Variants in SSUH2 observed in about 807,000 individuals in gnomAD.
The protein encoded by SSUH2 is ssu-2 homolog.
Under a neutral mutation model 55.3 loss-of-function variants are expected in SSUH2, and 47 were observed. That is an observed-to-expected ratio of 0.85 (90% CI 0.67 to 1.08). The LOEUF is 1.08. Ranked by LOEUF, SSUH2 falls within the 50% of genes least tolerant of loss-of-function variation. The pLI, the probability that SSUH2 is intolerant of heterozygous loss-of-function variation, is 0.00. For synonymous variants in SSUH2, 212 were observed against 191.5 expected (o/e 1.11, Z -0.89); for missense variants, 535 against 490.7 (o/e 1.09, Z -0.85).
chr3:8,639,760 G>A (rs910126707), intron 1 of SSUH2, among the ~76,000 whole-genome samples: 25 of 152,132 alleles, frequency 1.6e-4, no homozygotes, highest in African/African-American at 5.1e-4. Context: ...GCACTGAAGC[G>A]TGCTCAAAGG....
chr3:8,657,277 A>G (rs183330561), intron 7 of SSUH2, among the ~76,000 whole-genome samples: 2 of 143,890 alleles, frequency 1.4e-5, no homozygotes, highest in East Asian at 4.4e-4. Flanking sequence ...CATAACTGAC[A>G]CTGCACTTGA....
intron 6 of SSUH2, 25 bp downstream of exon 6, chr3:8,630,780 C>A (rs201933530): frequency 1.5e-6 from 2 of 1,355,562 alleles, no homozygotes; most frequent in South Asian, 2.3e-5. Flanking sequence ...GGCAAGTATT[C>A]CAGTAATCGC....
chr3:8,646,056 TGTG>T (rs1203298649), upstream of SSUH2, among the ~76,000 whole-genome samples: 11 of 152,292 alleles, frequency 7.2e-5, no homozygotes, highest in Non-Finnish European at 2.9e-5. Context: ...GAGGAACAAA[TGTG>T]GTCTTTTGAT....
chr3:8,642,834 C>T (rs1701079247), intron 1 of SSUH2, among the ~76,000 whole-genome samples: 1 of 152,002 alleles, frequency 6.6e-6, no homozygotes, highest in Non-Finnish European at 1.5e-5. Flanking sequence ...CTTTCTGACA[C>T]TTGGGGAAAA....
intron 6 of SSUH2, among the ~76,000 whole-genome samples, 160 bp from the exon 7 acceptor site, chr3:8,629,886 G>A (rs769888717): frequency 1.1e-4 from 16 of 152,200 alleles, no homozygotes; most frequent in South Asian, 4.1e-4. Flanking sequence ...GATTCCAGAA[G>A]GCTTGACTGC....
chr3:8,631,966 T>C, intron 5 of SSUH2, 83 bp downstream of exon 5: 2 of 1,098,422 alleles, frequency 1.8e-6, no homozygotes, highest in South Asian at 2.5e-5. Context: ...TTGAGATGAG[T>C]GCCTGAGCCA....
upstream of SSUH2, among the ~76,000 whole-genome samples, chr3:8,647,022 T>A (rs1701763384): frequency 6.6e-6 from 1 of 152,202 alleles, no homozygotes; most frequent in South Asian, 2.1e-4. Flanking sequence ...AGAACCTTGT[T>A]TTTTCCTGGA....
At chr3:8,680,919 G>A (rs968169102) in intron 1 of SSUH2, among the ~76,000 whole-genome samples, 1 of 152,004 alleles carries the variant, frequency 6.6e-6, no homozygotes, top group African/African-American at 2.4e-5. Flanking sequence ...CAATTTGACA[G>A]GCTGGGTGAA....
upstream of SSUH2, among the ~76,000 whole-genome samples, chr3:8,646,704 T>C (rs1701720390): frequency 6.6e-6 from 1 of 152,232 alleles, no homozygotes; most frequent in South Asian, 2.1e-4. Context: ...AATGTACCCA[T>C]CAACACCTAA....
intron 6 of SSUH2, chr3:8,659,535 G>A (rs1703268256): frequency 9.9e-6 from 3 of 303,834 alleles, no homozygotes; most frequent in South Asian, 9.1e-5. Flanking sequence ...CCTCAGCAGA[G>A]GGGGCCTTTC....
chr3:8,627,701 C>A lies in SSUH2; in HGVS notation c.671G>T (p.Arg224Leu). 1 of 1,583,514 alleles carries A rather than the reference C, an allele frequency of 6.3e-7. No individual in the cohort carries two copies. The highest frequency in any genetic ancestry group is 8.6e-7 in the Non-Finnish European group (1 of 1,164,270). The change falls in exon 8 of 12, where the codon CGA (arginine) becomes CTA (leucine). Residue 224 changes from arginine (R) to leucine (L), a missense_variant. Transcript: ENST00000544814. Reference sequence around the variant, plus strand: ...GGTGCTGGGGAGATGCCCCTACCTTCGCCTGCCGGACCCCGCGCACAGCTG... The same window carrying A: ...GGTGCTGGGGAGATGCCCCTACCTTAGCCTGCCGGACCCCGCGCACAGCTG... ...RCQLCAGSGR[R>L]RCSTCSGRGN...
chr3:8,666,812 G>C lies in SSUH2; in HGVS notation c.-454-3010C>G, dbSNP rs114348644. On this transcript the variant is annotated intron_variant, in intron 5 of 18. Transcript: ENST00000317371. ...GCAAGTCCAGGACTCTGGAACTCCT[G>C]ACCAACCTGCTTCAAGTTGGCCTCC... is the stretch of plus-strand genomic sequence containing the variant. Among the ~76,000 whole-genome samples, 4 of 152,302 alleles carry C rather than the reference G, an allele frequency of 2.6e-5. No individual in the cohort carries two copies. The East Asian group carries it at 7.7e-4, about 29-fold the overall frequency.
At chr3:8,680,033 A>C (rs561951902) in intron 1 of SSUH2, among the ~76,000 whole-genome samples, 28 of 152,172 alleles carry the variant, frequency 1.8e-4, no homozygotes, top group African/African-American at 2.9e-4. Context: ...AAAAACTTCC[A>C]GCAGCCCCAG....
chr3:8,665,938 G>A (rs575647691), intron 5 of SSUH2, among the ~76,000 whole-genome samples: 2 of 151,932 alleles, frequency 1.3e-5, no homozygotes, highest in Non-Finnish European at 2.9e-5. Flanking sequence ...GAGAAATGAT[G>A]TTCACTACAT....
chr3:8,667,283 A>G (rs1031615507), intron 5 of SSUH2, among the ~76,000 whole-genome samples: 3 of 152,192 alleles, frequency 2.0e-5, no homozygotes, highest in Non-Finnish European at 4.4e-5. Context: ...CCATATAGGT[A>G]ACTTCTGGAC....
At position 8,625,434 on chromosome 3, in the gene SSUH2, C is replaced by T. The variant is rs1697325459; in HGVS notation, c.873+108G>A. 4.4e-6 allele frequency: 3 copies of T among 683,948 alleles called. No homozygotes were observed. The East Asian group carries it at 8.2e-5, about 19-fold the overall frequency. The allele number at this position is 683,948 out of a possible 1,614,324, so 42.4% of individuals were successfully genotyped here. Reference sequence around the variant, plus strand: ...TCTGGGGAGCTCTGCTCCTACACAACCTGTCCTTCCAAGGAATGCAGCCTG... The same window carrying T: ...TCTGGGGAGCTCTGCTCCTACACAATCTGTCCTTCCAAGGAATGCAGCCTG... On this transcript the variant is annotated intron_variant, in intron 10 of 11. Coordinates refer to ENST00000544814, the MANE Select transcript of SSUH2 (RefSeq NM_001256748.3).
At position 8,625,661 on chromosome 3, in the gene SSUH2, G is replaced by C. The variant is rs749724619; in HGVS notation, c.768-14C>G. 3.2e-6 allele frequency: 5 copies of C among 1,558,476 alleles called. No homozygotes were observed. In the Admixed American group the frequency reaches 6.7e-5, roughly 21 times the overall value. ...AAGCTGTTCTTCCTGGAGGGAAGGA[G>C]GATGAGGGATGAAAGCACACAGTGT... On this transcript the variant is annotated splice_polypyrimidine_tract_variant and intron_variant, in intron 9 of 11. Coordinates refer to ENST00000544814, the MANE Select transcript of SSUH2 (RefSeq NM_001256748.3).
chr3:8,640,474 A>G (rs1012934640), intron 1 of SSUH2, among the ~76,000 whole-genome samples: 7 of 152,190 alleles, frequency 4.6e-5, no homozygotes, highest in African/African-American at 1.4e-4. Context: ...AGGTCCCTAC[A>G]TTAGATGCCC....
chr3:8,663,346 G>C lies in SSUH2; in HGVS notation c.-396+398C>G, dbSNP rs533880476. Among the ~76,000 whole-genome samples, 3 of 152,360 alleles carry C rather than the reference G, an allele frequency of 2.0e-5. No homozygotes were observed. The East Asian group carries it at 5.8e-4, about 29-fold the overall frequency. The stretch of plus-strand genomic sequence containing the variant: ...CCTTGGAATTCACCTACCCCCTCCT[G>C]TCTGACATACAGAGAACAGCAATGC... On this transcript the variant is annotated intron_variant, in intron 6 of 18. Transcript: ENST00000317371.
Sources: gnomAD v4.1 joint callset for allele counts (sites outside exome capture counted in the v4.1 genomes callset) on GRCh38, gnomAD v4.1.1 for gene constraint, MANE v1.5 for transcripts, NCBI Gene and HGNC (gene_info 2026-07-23, HGNC 2026-07-21) for gene names.